Variants in GALNT11 observed in about 807,000 individuals in gnomAD.
The protein encoded by GALNT11 is UDP-GalNAc:polypeptide N-acetylgalactosaminyltransferase 11.
In GALNT11, 47 loss-of-function variants were observed where a neutral mutation model predicts 72.7. The ratio of observed to expected loss-of-function variants is 0.65; its 90% CI spans 0.51 to 0.82. The LOEUF (loss-of-function observed/expected upper bound fraction) is 0.82, where lower values mean the gene tolerates loss of function less well. Ranked by LOEUF, GALNT11 falls within the 40% of genes least tolerant of loss-of-function variation. GALNT11 has a pLI of 0.00. For synonymous variants in GALNT11, 270 were observed against 286.6 expected (o/e 0.94, Z 0.58); for missense variants, 677 against 778.4 (o/e 0.87, Z 1.55).
At chr7:152,038,538 T>C (rs763760530) in intron 1 of GALNT11, among the ~76,000 whole-genome samples, 1 of 152,234 alleles carries the variant, frequency 6.6e-6, no homozygotes, top group South Asian at 2.1e-4. Flanking sequence ...CACGAGCATG[T>C]CACAGTGCTG....
At chr7:152,059,363 A>C (rs570527625) in intron 1 of GALNT11, among the ~76,000 whole-genome samples, 10 of 151,934 alleles carry the variant, frequency 6.6e-5, no homozygotes, top group Non-Finnish European at 1.2e-4. Flanking sequence ...CCACCTCCAA[A>C]AGAGTTGGGA....
chr7:152,095,808 G>T (rs990357752), intron 2 of GALNT11, among the ~76,000 whole-genome samples: 4 of 152,158 alleles, frequency 2.6e-5, no homozygotes, highest in African/African-American at 7.2e-5. Context: ...AGTAGTGAGA[G>T]AATTGTAGAT....
At chr7:152,081,692 CTA>C (rs1483151494) in intron 1 of GALNT11, among the ~76,000 whole-genome samples, 4 of 152,186 alleles carry the variant, frequency 2.6e-5, no homozygotes, top group African/African-American at 9.7e-5. Flanking sequence ...CCATACCACT[CTA>C]TGTTTTCTTC....
At chr7:152,033,674 T>C (rs546138358) in intron 1 of GALNT11, among the ~76,000 whole-genome samples, 3 of 152,296 alleles carry the variant, frequency 2.0e-5, no homozygotes, top group Admixed American at 6.5e-5. Context: ...ATTGAATAAT[T>C]CATGGGCTTT....
intron 1 of GALNT11, among the ~76,000 whole-genome samples, chr7:152,053,497 A>G (rs1434569369): frequency 6.6e-6 from 1 of 152,276 alleles, no homozygotes; most frequent in African/African-American, 2.4e-5. Context: ...AGTGTTTCAG[A>G]CAAAATTAAT....
At chr7:152,060,845 C>T (rs1293036321) in intron 1 of GALNT11, among the ~76,000 whole-genome samples, 19 of 152,030 alleles carry the variant, frequency 1.2e-4, no homozygotes, top group Non-Finnish European at 2.5e-4. Flanking sequence ...GGTGTATATG[C>T]GCCACATTTT....
chr7:152,080,979 C>CA (rs2085292602), intron 1 of GALNT11, among the ~76,000 whole-genome samples: 1 of 151,876 alleles, frequency 6.6e-6, no homozygotes, highest in Admixed American at 6.6e-5. Flanking sequence ...TCAGAAAAAC[C>CA]AAAAAACAAA....
chr7:152,056,072 T>C (rs761213489), intron 1 of GALNT11, among the ~76,000 whole-genome samples: 2 of 152,174 alleles, frequency 1.3e-5, no homozygotes, highest in Non-Finnish European at 2.9e-5. Flanking sequence ...AAGGATGTTA[T>C]ATAAATGGAA....
intron 2 of GALNT11, among the ~76,000 whole-genome samples, chr7:152,096,494 A>G (rs766710372): frequency 7.2e-5 from 11 of 152,146 alleles, no homozygotes; most frequent in Non-Finnish European, 1.2e-4. Flanking sequence ...AGGTGGGTGG[A>G]TCACCTGAGG....
intron 1 of GALNT11, among the ~76,000 whole-genome samples, chr7:152,089,567 T>C (rs969562842): frequency 6.6e-6 from 1 of 152,186 alleles, no homozygotes; most frequent in African/African-American, 2.4e-5. Flanking sequence ...TTTAAAACTT[T>C]TCTAAATAGG....
intron 3 of GALNT11, 21 bp downstream of exon 3, chr7:152,100,942 G>T (rs1460580685): frequency 6.2e-7 from 1 of 1,611,278 alleles, no homozygotes; most frequent in Non-Finnish European, 8.5e-7. Context: ...TATCGGATTT[G>T]CAAATACATT....
At chr7:152,081,736 G>A (rs77068737) in intron 1 of GALNT11, among the ~76,000 whole-genome samples, 2,912 of 152,098 alleles carry the variant, frequency 0.019, 101 homozygotes, top group African/African-American at 0.067. Context: ...TTTTTAAAAT[G>A]GTTTATGGGG....
At chr7:152,052,505 A>G (rs151306834) in intron 1 of GALNT11, among the ~76,000 whole-genome samples, 10 of 152,306 alleles carry the variant, frequency 6.6e-5, no homozygotes, top group Non-Finnish European at 8.8e-5. Flanking sequence ...TCTTCTTCAC[A>G]TTTTAAAAAC....
In GALNT11 at chr7:152,103,180, C is replaced by T. The variant is rs753695595; in HGVS notation, c.488C>T (p.Ala163Val). 3.1e-6 allele frequency: 5 copies of T among 1,612,938 alleles called. No homozygotes were observed. The highest frequency in any genetic ancestry group is 2.2e-5 in the South Asian group (2 of 91,056). The stretch of plus-strand genomic sequence containing the variant: ...GTTGTTATCTGTTTCTATAATGAAG[C>T]GTTTTCTGCCTTGCTTCGGACAGTG... ...ASVVICFYNE[A>V]FSALLRTVHS... Residue 163 changes from alanine (A) to valine (V), a missense_variant, in exon 4 of 12, where the codon GCG becomes GTG. Transcript: ENST00000430044.
At position 152,103,521 on chromosome 7, in the gene GALNT11, C is replaced by T. The variant is rs147693636; in HGVS notation, c.586+243C>T. ...GTGGCTTACTTTAAAAAACACACCT[C>T]TTTTTATTTGAAATAACTGTAGGTT... On this transcript the variant is annotated intron_variant, in intron 4 of 11. Transcript: ENST00000430044. The T allele has an allele frequency of 1.2e-3, 513 of 415,596 alleles. 1 individual carries two copies. Among genetic ancestry groups the T allele is most frequent in the Middle Eastern group, 4.0e-3 (6 of 1,508 alleles). The allele number at this position is 415,596 out of a possible 1,614,324, so 25.7% of individuals were successfully genotyped here. A position where few individuals can be genotyped will look rare whatever the true frequency, so the allele number is the denominator to read the frequency against.
At chr7:152,062,138 CTT>C in intron 1 of GALNT11, among the ~76,000 whole-genome samples, 1 of 152,188 alleles carries the variant, frequency 6.6e-6, no homozygotes, top group Non-Finnish European at 1.5e-5. Context: ...TTTGTGTCCT[CTT>C]TTATTTCATT....
Position 152,094,409 on chromosome 7 carries a change from G to A in GALNT11, c.182G>A (p.Arg61Gln), listed in dbSNP as rs1426668383. The A allele has an allele frequency of 4.3e-6, 7 of 1,613,988 alleles. No homozygotes were observed. Among genetic ancestry groups the A allele is most frequent in the Middle Eastern group, 1.6e-4 (1 of 6,084 alleles). Reference sequence around the variant, plus strand: ...AAAAAATTCTATCCCCGTTTCACTCGAGGCCCAAGTCGAGTGCTCGAGCCA... The same window carrying A: ...AAAAAATTCTATCCCCGTTTCACTCAAGGCCCAAGTCGAGTGCTCGAGCCA... ...SPKKFYPRFT[R>Q]GPSRVLEPQF... The change falls in exon 2 of 12, where the codon CGA becomes CAA. Residue 61 changes from arginine to glutamine, a missense_variant. Arg to Gln is a conservative substitution (Grantham distance 43). Coordinates refer to ENST00000430044, the MANE Select transcript of GALNT11 (RefSeq NM_022087.4). The surrounding 1 kb of genome is among the most constrained non-coding windows in gnomAD (Gnocchi z 4.3).
chr7:152,097,465 GAATTATCATATAA>G (rs1294841663), intron 2 of GALNT11, among the ~76,000 whole-genome samples: 11 of 152,306 alleles, frequency 7.2e-5, no homozygotes, highest in Admixed American at 7.2e-4. Context: ...ATTAAACGTA[GAATTATCATATAA>G]CCCAGCAATA....
chr7:152,075,571 G>GC (rs60519366), intron 1 of GALNT11, among the ~76,000 whole-genome samples: 152,334 of 152,340 alleles, frequency 1, 76,164 homozygotes, highest in Middle Eastern at 1. Context: ...GGAGGCCAAG[G>GC]CAAGGCTGGC....
Sources: gnomAD v4.1 joint callset for allele counts (sites outside exome capture counted in the v4.1 genomes callset) on GRCh38, gnomAD v4.1.1 for gene constraint, Gnocchi (gnomAD v3.1) non-coding constraint, MANE v1.5 for transcripts, NCBI Gene and HGNC (gene_info 2026-07-23, HGNC 2026-07-21) for gene names.